Variants in MDFIC2 observed in about 807,000 individuals in gnomAD.
MDFIC2 encodes MyoD family inhibitor domain containing 2.
At chr3:70,246,733 GA>G (rs1335305973) in intron 2 of MDFIC2, among the ~76,000 whole-genome samples, 1 of 151,892 alleles carries the variant, frequency 6.6e-6, no homozygotes, top group African/African-American at 2.4e-5. Flanking sequence ...TCCAAACTAC[GA>G]AAGCAAGACT....
chr3:70,269,254 A>G (rs1271465384), intron 2 of MDFIC2, among the ~76,000 whole-genome samples: 2 of 152,252 alleles, frequency 1.3e-5, no homozygotes, highest in African/African-American at 2.4e-5. Context: ...AAAAGAACCA[A>G]TAAATTCCAA....
At chr3:70,281,641 C>G (rs977657349) in intron 2 of MDFIC2, among the ~76,000 whole-genome samples, 1 of 152,220 alleles carries the variant, frequency 6.6e-6, no homozygotes, top group Middle Eastern at 3.4e-3. Flanking sequence ...TTTTATGTCT[C>G]TCGGTATTTA....
At chr3:70,237,977 A>ATTTTTTTTTTTTTTTT (rs1251005797) in intron 2 of MDFIC2, among the ~76,000 whole-genome samples, 1 of 13,002 alleles carries the variant, frequency 7.7e-5, no homozygotes, top group South Asian at 2.1e-3. Context: ...ATTGAGTGGT[A>ATTTTTTTTTTTTTTTT]TCTTTTTTTT....
At chr3:70,253,054 TG>T (rs1701784254) in intron 2 of MDFIC2, among the ~76,000 whole-genome samples, 1 of 151,824 alleles carries the variant, frequency 6.6e-6, no homozygotes, top group Non-Finnish European at 1.5e-5. Flanking sequence ...TACTCCAGCC[TG>T]GGGGACAAGA....
chr3:70,302,199 A>G (rs1702355707), intron 2 of MDFIC2, among the ~76,000 whole-genome samples: 1 of 152,168 alleles, frequency 6.6e-6, no homozygotes, highest in African/African-American at 2.4e-5. Flanking sequence ...AATGGTTGAA[A>G]TGATTTATGC....
At chr3:70,277,515 G>A (rs545360281) in intron 2 of MDFIC2, among the ~76,000 whole-genome samples, 145 of 152,220 alleles carry the variant, frequency 9.5e-4, no homozygotes, top group African/African-American at 3.2e-3. Flanking sequence ...GCTGATCTCT[G>A]AACGAACAGA....
intron 2 of MDFIC2, among the ~76,000 whole-genome samples, chr3:70,281,873 T>C (rs141175114): frequency 1.3e-5 from 2 of 152,332 alleles, no homozygotes; most frequent in African/African-American, 2.4e-5. Flanking sequence ...TAGTTCATCA[T>C]ACCTTGGGTG....
At chr3:70,282,172 T>C (rs1702091606) in intron 2 of MDFIC2, among the ~76,000 whole-genome samples, 4 of 152,164 alleles carry the variant, frequency 2.6e-5, no homozygotes, top group Admixed American at 2.6e-4. Flanking sequence ...TCCCATCTCC[T>C]GGGATGCAGT....
intron 2 of MDFIC2, among the ~76,000 whole-genome samples, chr3:70,237,200 T>C (rs1701618561): frequency 1.3e-5 from 2 of 152,230 alleles, no homozygotes; most frequent in East Asian, 1.9e-4. Flanking sequence ...GCTATATTTT[T>C]CCCTTTGTTA....
At chr3:70,274,060 T>C (rs1319287635) in intron 2 of MDFIC2, among the ~76,000 whole-genome samples, 3 of 146,524 alleles carry the variant, frequency 2.0e-5, no homozygotes, top group African/African-American at 7.6e-5. Flanking sequence ...AACCTCCGTG[T>C]GTGTGTGTGT....
At chr3:70,232,968 C>T (rs1256882760) in intron 2 of MDFIC2, among the ~76,000 whole-genome samples, 4 of 152,112 alleles carry the variant, frequency 2.6e-5, no homozygotes, top group Non-Finnish European at 4.4e-5. Context: ...GGAGGCAGAT[C>T]GCTTGAGGCC....
At chr3:70,274,029 A>G (rs1701998134) in intron 2 of MDFIC2, among the ~76,000 whole-genome samples, 1 of 151,590 alleles carries the variant, frequency 6.6e-6, no homozygotes, top group Non-Finnish European at 1.5e-5. Flanking sequence ...TATTAATATT[A>G]TAAATAAAAG....
At chr3:70,255,483 A>G (rs1227382133) in intron 2 of MDFIC2, among the ~76,000 whole-genome samples, 4 of 152,136 alleles carry the variant, frequency 2.6e-5, no homozygotes, top group African/African-American at 9.7e-5. Flanking sequence ...AGGCAGTGGT[A>G]TGAGCACAGT....
At chr3:70,281,396 A>G (rs996359318) in intron 2 of MDFIC2, among the ~76,000 whole-genome samples, 2 of 152,146 alleles carry the variant, frequency 1.3e-5, no homozygotes, top group Middle Eastern at 3.2e-3. Context: ...TAAGCTTCAG[A>G]ATTAAACCCC....
chr3:70,283,476 C>T (rs1477170886), intron 2 of MDFIC2: 4 of 151,998 alleles, frequency 2.6e-5, no homozygotes, highest in African/African-American at 9.7e-5. Context: ...ATTTGAATCC[C>T]ACATACAGCA....
At chr3:70,220,180 T>C (rs1297795870) in intron 2 of MDFIC2, among the ~76,000 whole-genome samples, 2 of 152,124 alleles carry the variant, frequency 1.3e-5, no homozygotes, top group East Asian at 3.9e-4. Context: ...AGAATAAGGT[T>C]ATATTCCATG....
chr3:70,274,754 T>A (rs1702005384), intron 2 of MDFIC2, among the ~76,000 whole-genome samples: 1 of 152,134 alleles, frequency 6.6e-6, no homozygotes. Context: ...CCTTGGAACT[T>A]AAAACAAATA....
At chr3:70,199,851 A>G (rs1471212862) in intron 3 of MDFIC2, among the ~76,000 whole-genome samples, 2 of 152,210 alleles carry the variant, frequency 1.3e-5, no homozygotes, top group Non-Finnish European at 2.9e-5. Flanking sequence ...CCAAAAGTGT[A>G]TACCATATAT....
intron 2 of MDFIC2, among the ~76,000 whole-genome samples, chr3:70,309,633 C>CT: frequency 6.6e-6 from 1 of 152,200 alleles, no homozygotes; most frequent in East Asian, 1.9e-4. Flanking sequence ...TACTGCACCA[C>CT]TTTGACTTTT....
Sources: gnomAD v4.1 joint callset for allele counts (sites outside exome capture counted in the v4.1 genomes callset) on GRCh38, gnomAD v4.1.1 for gene constraint, MANE v1.5 for transcripts, NCBI Gene and HGNC (gene_info 2026-07-23, HGNC 2026-07-21) for gene names.